The following TGFBR3 variants were observed in gnomAD, a reference collection of about 807,000 sequenced individuals.
TGFBR3 encodes transforming growth factor beta receptor 3.
TGFBR3 carries 46 observed loss-of-function variants against 87.9 expected under a neutral mutation model. The ratio of observed to expected loss-of-function variants is 0.52; its 90% CI spans 0.41 to 0.67. The LOEUF is 0.67. TGFBR3 is among the 30% of genes least tolerant of loss of function. The pLI is 0.00. For synonymous variants in TGFBR3, 381 were observed against 391.6 expected, an observed-to-expected ratio of 0.97 and a Z score of 0.32; for missense variants, 866 against 1,041.9, an observed-to-expected ratio of 0.83 and a Z score of 2.32.
chr1:91,750,702 G>A (rs2100870023), intron 4 of TGFBR3, among the ~76,000 whole-genome samples: 1 of 152,246 alleles, frequency 6.6e-6, no homozygotes, highest in Middle Eastern at 3.4e-3. Flanking sequence ...ATTTATCTGG[G>A]GAAAGACCTC....
At chr1:91,739,815 G>A (rs2100838408) in intron 4 of TGFBR3, among the ~76,000 whole-genome samples, 1 of 152,304 alleles carries the variant, frequency 6.6e-6, no homozygotes, top group South Asian at 2.1e-4. Flanking sequence ...GCATGGCTGG[G>A]AGGCCTCAGG....
chr1:91,867,541 C>T (rs555126189), intron 1 of TGFBR3, among the ~76,000 whole-genome samples: 4 of 152,108 alleles, frequency 2.6e-5, no homozygotes, highest in Non-Finnish European at 5.9e-5. Flanking sequence ...AAGGAAAATA[C>T]AGGAAAAAGG....
chr1:91,886,631 C>G (rs183057985), upstream of TGFBR3, among the ~76,000 whole-genome samples: 1 of 152,146 alleles, frequency 6.6e-6, no homozygotes, highest in African/African-American at 2.4e-5. Context: ...CTGATCACAG[C>G]CTCTTGCCCT....
At chr1:91,829,395 C>T (rs199993766) in intron 2 of TGFBR3, among the ~76,000 whole-genome samples, 1 of 140,306 alleles carries the variant, frequency 7.1e-6, no homozygotes, top group African/African-American at 2.6e-5. Context: ...AACAAACAAA[C>T]AAAAAAAAAA....
At chr1:91,887,336 C>A (rs137963464), upstream of TGFBR3, among the ~76,000 whole-genome samples, 16 of 147,476 alleles carry the variant, frequency 1.1e-4, no homozygotes, top group African/African-American at 4.0e-4. Flanking sequence ...GCTACAACCT[C>A]CGCTTCTCAG....
intron 2 of TGFBR3, among the ~76,000 whole-genome samples, chr1:91,856,609 T>C (rs1026328437): frequency 1.4e-4 from 21 of 152,260 alleles, no homozygotes; most frequent in Admixed American, 3.9e-4. Context: ...AAAGGAGGCC[T>C]TTGACAACCT....
chr1:91,749,860 T>C (rs1202580047), intron 4 of TGFBR3, among the ~76,000 whole-genome samples: 1 of 152,190 alleles, frequency 6.6e-6, no homozygotes, highest in East Asian at 1.9e-4. Context: ...TCACTTTTTC[T>C]ACCGAACAGC....
At chr1:91,903,614 G>A (rs1318924083) in intron 1 of TGFBR3, among the ~76,000 whole-genome samples, 1 of 151,986 alleles carries the variant, frequency 6.6e-6, no homozygotes, top group Non-Finnish European at 1.5e-5. Context: ...GGGCATGGTA[G>A]TCTCTGCAGG....
intron 16 of TGFBR3, among the ~76,000 whole-genome samples, chr1:91,689,021 A>G (rs1241362105): frequency 6.6e-6 from 1 of 152,164 alleles, no homozygotes; most frequent in African/African-American, 2.4e-5. Flanking sequence ...TGCCCATATC[A>G]TTATTTTATA....
At chr1:91,818,028 C>A (rs1676296786) in intron 2 of TGFBR3, among the ~76,000 whole-genome samples, 1 of 151,848 alleles carries the variant, frequency 6.6e-6, no homozygotes, top group East Asian at 1.9e-4. Flanking sequence ...ATTTTTCCCC[C>A]ACTCCTGAAA....
At chr1:91,893,288 A>G (rs1679485224) in intron 2 of TGFBR3, among the ~76,000 whole-genome samples, 1 of 138,774 alleles carries the variant, frequency 7.2e-6, no homozygotes, top group African/African-American at 2.5e-5. Context: ...CTTAACTTGT[A>G]ACTATTTTTT....
At chr1:91,891,055 G>A (rs549699720), upstream of TGFBR3, among the ~76,000 whole-genome samples, 2 of 151,802 alleles carry the variant, frequency 1.3e-5, no homozygotes, top group South Asian at 4.2e-4. Flanking sequence ...CTACCACCAC[G>A]CCTGGCTAAT....
At chr1:91,767,271 G>T (rs1264226116) in intron 3 of TGFBR3, among the ~76,000 whole-genome samples, 1 of 133,860 alleles carries the variant, frequency 7.5e-6, no homozygotes, top group Non-Finnish European at 1.6e-5. Flanking sequence ...GATGGCATTT[G>T]GATTCCCCTG....
chr1:91,806,027 C>CAT (rs1675814422), intron 2 of TGFBR3, among the ~76,000 whole-genome samples: 1 of 152,178 alleles, frequency 6.6e-6, no homozygotes, highest in South Asian at 2.1e-4. Flanking sequence ...TGTAAACATT[C>CAT]ATTCATATCT....
chr1:91,697,224 A>T (rs755754688), intron 15 of TGFBR3, among the ~76,000 whole-genome samples: 9 of 152,210 alleles, frequency 5.9e-5, no homozygotes, highest in Non-Finnish European at 1.0e-4. Context: ...CCAAAGATAG[A>T]TATGTGTCCA....
At chr1:91,829,454 C>A (rs1297994650) in intron 2 of TGFBR3, among the ~76,000 whole-genome samples, 1 of 150,858 alleles carries the variant, frequency 6.6e-6, no homozygotes, top group Non-Finnish European at 1.5e-5. Flanking sequence ...CATCAGAAGA[C>A]CCATGCACTG....
intron 2 of TGFBR3, among the ~76,000 whole-genome samples, chr1:91,856,626 C>G (rs1274183557): frequency 6.6e-6 from 1 of 152,200 alleles, no homozygotes; most frequent in African/African-American, 2.4e-5. Flanking sequence ...ACCTTCACCC[C>G]TCTGCTGCCA....
chr1:91,879,309 A>G (rs940010284), intron 1 of TGFBR3, among the ~76,000 whole-genome samples: 5 of 151,980 alleles, frequency 3.3e-5, no homozygotes, highest in Non-Finnish European at 5.9e-5. Context: ...CTAAAAATCA[A>G]CTTTGCTAGG....
upstream of TGFBR3, among the ~76,000 whole-genome samples, chr1:91,886,721 C>G (rs1679328420): frequency 6.6e-6 from 1 of 152,212 alleles, no homozygotes; most frequent in Admixed American, 6.5e-5. Flanking sequence ...CTTGTTGTCA[C>G]GCTCTGATGG....
Sources: allele counts gnomAD v4.1 joint callset (sites outside exome capture counted in the v4.1 genomes callset), GRCh38; gene constraint gnomAD v4.1.1; transcripts MANE v1.5; gene names NCBI Gene and HGNC (gene_info 2026-07-23, HGNC 2026-07-21).